Variants in CUEDC1 observed in about 807,000 individuals in gnomAD.
CUEDC1 encodes the protein CUE domain containing 1, also known as CUE domain-containing protein 1.
Under a neutral mutation model 43.7 loss-of-function variants are expected in CUEDC1, and 30 were observed. The ratio of observed to expected loss-of-function variants is 0.69; its 90% confidence interval spans 0.51 to 0.93. CUEDC1 has a LOEUF of 0.93. Among genes scored for constraint, CUEDC1 ranks in the 40% least tolerant of loss-of-function variants. The pLI, the probability that CUEDC1 is intolerant of heterozygous loss-of-function variation, is 0.00. For missense variants in CUEDC1, 486 were observed against 549.0 expected, an observed-to-expected ratio of 0.89 and a Z score of 1.15; for synonymous variants, 223 against 223.6, an observed-to-expected ratio of 1.00 and a Z score of 0.02.
intron 9 of CUEDC1, chr17:57,866,879 T>C (rs1240350151): frequency 2.7e-6 from 1 of 374,930 alleles, no homozygotes; most frequent in East Asian, 5.4e-5. Context: ...GGATGCCTCC[T>C]GACCCTCGAA....
chr17:57,935,834 G>A (rs539323513), intron 1 of CUEDC1, among the ~76,000 whole-genome samples: 12 of 152,226 alleles, frequency 7.9e-5, no homozygotes. Flanking sequence ...CTTGACTGCT[G>A]GAAGCATGGA....
intron 2 of CUEDC1, among the ~76,000 whole-genome samples, chr17:57,882,414 G>C (rs555599329): frequency 6.6e-6 from 1 of 152,098 alleles, no homozygotes; most frequent in Non-Finnish European, 1.5e-5. Flanking sequence ...GCCTACCTAG[G>C]GGGTGGTGAA....
intron 1 of CUEDC1, among the ~76,000 whole-genome samples, chr17:57,888,131 G>C (rs964306590): frequency 4.0e-5 from 6 of 151,720 alleles, no homozygotes; most frequent in African/African-American, 1.5e-4. Context: ...TCAACCTCCT[G>C]GCCTCAAGTG....
At chr17:57,909,936 G>A (rs1377302667) in intron 1 of CUEDC1, among the ~76,000 whole-genome samples, 1 of 152,212 alleles carries the variant, frequency 6.6e-6, no homozygotes, top group African/African-American at 2.4e-5. Flanking sequence ...GGAAATAACC[G>A]AAAGAGGTTC....
intron 2 of CUEDC1, 53 bp downstream of exon 2, chr17:57,885,175 CG>C: frequency 6.7e-7 from 1 of 1,496,852 alleles, no homozygotes; most frequent in South Asian, 1.4e-5. Flanking sequence ...CCCCTACCTC[CG>C]GGGGGATGCT....
chr17:57,902,845 A>G (rs376394668), intron 1 of CUEDC1: 2 of 152,182 alleles, frequency 1.3e-5, no homozygotes, highest in African/African-American at 4.8e-5. Context: ...TGAAGTAGGG[A>G]CTGTTATTTT....
intron 10 of CUEDC1, 45 bp downstream of exon 10, chr17:57,866,429 C>T: frequency 6.3e-7 from 1 of 1,588,966 alleles, no homozygotes; most frequent in East Asian, 2.2e-5. Context: ...TGTGGGGGGC[C>T]CTGGCCTTGG....
intron 3 of CUEDC1, 107 bp from the exon 4 acceptor site, chr17:57,873,824 T>C (rs2074071920): frequency 1.7e-6 from 2 of 1,159,606 alleles, no homozygotes; most frequent in African/African-American, 3.2e-5. Context: ...GCTCAGAGAT[T>C]CCCATGGCCT....
At chr17:57,936,960 A>G (rs974224525) in intron 1 of CUEDC1, among the ~76,000 whole-genome samples, 5 of 151,952 alleles carry the variant, frequency 3.3e-5, no homozygotes, top group African/African-American at 7.3e-5. Context: ...AGCTGGAACT[A>G]CAGGCATACA....
intron 1 of CUEDC1, among the ~76,000 whole-genome samples, chr17:57,932,113 AACAC>A (rs61166512): frequency 1.3e-5 from 2 of 150,120 alleles, no homozygotes; most frequent in African/African-American, 2.5e-5. Flanking sequence ...CTCCACTAAA[AACAC>A]ACACACACAC....
chr17:57,886,745 A>G (rs1406439138), intron 1 of CUEDC1, among the ~76,000 whole-genome samples: 1 of 151,472 alleles, frequency 6.6e-6, no homozygotes, highest in Non-Finnish European at 1.5e-5. Context: ...GTGTCCTTAC[A>G]TATTTTTAAA....
At chr17:57,888,635 G>A (rs777542544) in intron 1 of CUEDC1, among the ~76,000 whole-genome samples, 30 of 152,358 alleles carry the variant, frequency 2.0e-4, no homozygotes, top group Middle Eastern at 3.4e-3. Flanking sequence ...AGAAGAGTAT[G>A]CAGCTTCGCC....
intron 1 of CUEDC1, among the ~76,000 whole-genome samples, chr17:57,917,941 T>C (rs1213703016): frequency 6.6e-6 from 1 of 152,226 alleles, no homozygotes; most frequent in Non-Finnish European, 1.5e-5. Flanking sequence ...TGGACTGCTC[T>C]GTGTAGTCAC....
At position 57,879,619 on chromosome 17, in the gene CUEDC1, C is replaced by A. The variant is rs139702242; in HGVS notation, c.456G>T (p.Pro152=). ...ACATGACAGATTCTCACCGGGGAGG[C>A]GGAGTCGGGGGAGCCAGAGGGTAGG... ...DRPYPLAPPT[P]PPRIDALGSG... Residue 152 remains proline (P), a synonymous_variant, in exon 3 of 11, where the codon CCG becomes CCT. Transcript: ENST00000577830. 2 of 1,589,700 alleles carry A rather than the reference C, an allele frequency of 1.3e-6. No individual in the cohort carries two copies. The highest frequency in any genetic ancestry group is 1.1e-5 in the South Asian group (1 of 87,134).
At chr17:57,910,468 A>G (rs781778255) in intron 1 of CUEDC1, among the ~76,000 whole-genome samples, 3 of 152,078 alleles carry the variant, frequency 2.0e-5, no homozygotes, top group Non-Finnish European at 4.4e-5. Context: ...GATCAAAAAT[A>G]TATATGCCTA....
chr17:57,895,338 G>C (rs2074397675), intron 1 of CUEDC1, among the ~76,000 whole-genome samples: 1 of 152,084 alleles, frequency 6.6e-6, no homozygotes, highest in African/African-American at 2.4e-5. Context: ...CACAGAGCTG[G>C]GCACACAGCA....
chr17:57,899,425 C>T lies in CUEDC1; in HGVS notation c.-315-13546G>A, dbSNP rs139269971. 1.3e-3 allele frequency among the ~76,000 whole-genome samples: 199 copies of T among 152,332 alleles called. 1 individual carries two copies. Among genetic ancestry groups the T allele is most frequent in the Admixed American group, 2.1e-3 (32 of 15,296 alleles). ...CCACACGTATACTCTGGAGCTGCCA[C>T]GGTTAGGGAGGCAGGAGAAACCTCA... On this transcript the variant is annotated intron_variant, in intron 1 of 10. Transcript: ENST00000577830.
At chr17:57,907,409 C>T (rs2074540072) in intron 1 of CUEDC1, among the ~76,000 whole-genome samples, 1 of 152,016 alleles carries the variant, frequency 6.6e-6, no homozygotes, top group African/African-American at 2.4e-5. Context: ...GACCCTCAGT[C>T]AGGCTGGATC....
intron 1 of CUEDC1, among the ~76,000 whole-genome samples, chr17:57,948,115 A>T (rs888842287): frequency 1.3e-5 from 2 of 152,190 alleles, no homozygotes; most frequent in African/African-American, 4.8e-5. Context: ...TAAGTCTTGG[A>T]TTATCTGTTA....
Sources: allele counts gnomAD v4.1 joint callset (sites outside exome capture counted in the v4.1 genomes callset), GRCh38; gene constraint gnomAD v4.1.1; transcripts MANE v1.5; gene names NCBI Gene and HGNC (gene_info 2026-07-23, HGNC 2026-07-21).